CTNND2: variants seen among roughly 807,000 people sequenced by gnomAD.
The protein encoded by CTNND2 is catenin delta 2, also known as catenin delta-2.
Under a neutral mutation model 144.4 loss-of-function variants are expected in CTNND2, and 22 were observed. The ratio of observed to expected loss-of-function variants is 0.15; its 90% CI spans 0.11 to 0.22. CTNND2 has a LOEUF of 0.22. CTNND2 is among the 10% of genes least tolerant of loss of function. The pLI is 1.00. For missense variants in CTNND2, 1,353 were observed against 1,618.8 expected, an observed-to-expected ratio of 0.84 and a Z score of 2.82; for synonymous variants, 751 against 695.6, an observed-to-expected ratio of 1.08 and a Z score of -1.25.
intron 3 of CTNND2, among the ~76,000 whole-genome samples, chr5:11,497,785 TTGTGATGAACTGTACTA>T (rs1211206216): frequency 2.4e-4 from 37 of 152,112 alleles, no homozygotes; most frequent in Admixed American, 2.4e-3. Flanking sequence ...GGAAATGGTT[TTGTGATGAACTGTACTA>T]TCATTTAGCA....
Position 11,903,447 on chromosome 5 carries a change from C to A in CTNND2, c.37+370G>T. On this transcript the variant is annotated intron_variant, in intron 1 of 21. Coordinates refer to ENST00000304623, the MANE Select transcript of CTNND2 (RefSeq NM_001332.4). The surrounding 1 kb of genome is among the most constrained non-coding windows in gnomAD (Gnocchi z 5.4). Reference sequence around the variant, plus strand: ...CCTCCCCACCCCCACCCCGTCTCCTCCCGTATATTAGGGACGTCATGAATG... The same window carrying A: ...CCTCCCCACCCCCACCCCGTCTCCTACCGTATATTAGGGACGTCATGAATG... 3.4e-6 allele frequency: 3 copies of A among 892,290 alleles called. No individual in the cohort carries two copies. Among genetic ancestry groups the A allele is most frequent in the Non-Finnish European group, 4.1e-6 (3 of 730,338 alleles). The allele number at this position is 892,290 out of a possible 1,614,324, so 55.3% of individuals were successfully genotyped here.
At chr5:11,074,612 G>A (rs543286654) in intron 16 of CTNND2, among the ~76,000 whole-genome samples, 34 of 152,178 alleles carry the variant, frequency 2.2e-4, no homozygotes, top group African/African-American at 7.7e-4. Context: ...CCATTATAAA[G>A]CTTTATATGT....
At chr5:11,000,589 G>A (rs1295693727) in intron 18 of CTNND2, among the ~76,000 whole-genome samples, 11 of 152,182 alleles carry the variant, frequency 7.2e-5, no homozygotes, top group African/African-American at 2.4e-4. Flanking sequence ...TTGTATGCAG[G>A]GGATGAGCTA....
chr5:11,688,641 T>C (rs1784762912), intron 2 of CTNND2, among the ~76,000 whole-genome samples: 1 of 152,140 alleles, frequency 6.6e-6, no homozygotes, highest in African/African-American at 2.4e-5. Flanking sequence ...ATTTTCCAAA[T>C]AAGGAAACTG....
At chr5:11,271,226 C>A (rs1246515852) in intron 9 of CTNND2, among the ~76,000 whole-genome samples, 3 of 152,080 alleles carry the variant, frequency 2.0e-5, no homozygotes, top group Non-Finnish European at 4.4e-5. Context: ...CTGTTCATGA[C>A]CAATAAACGT....
intron 1 of CTNND2, among the ~76,000 whole-genome samples, chr5:11,745,282 A>G (rs752151215): frequency 3.3e-5 from 5 of 152,098 alleles, no homozygotes; most frequent in Non-Finnish European, 7.4e-5. Context: ...AGGCATTCTC[A>G]GGAGTCTTCT....
At position 11,335,425 on chromosome 5, in the gene CTNND2, T is replaced by C. The variant is rs541864702; in HGVS notation, c.1628+10947A>G. 4.6e-5 allele frequency among the ~76,000 whole-genome samples: 7 copies of C among 152,270 alleles called. No homozygotes were observed. The East Asian group carries it at 1.4e-3, about 29-fold the overall frequency. ...TCCTCAAATGTTCAAAGTCAGATGG[T>C]GAAGGAAAATGACTTAGGACATCAA... On this transcript the variant is annotated intron_variant, in intron 9 of 21. Coordinates refer to ENST00000304623, the MANE Select transcript of CTNND2 (RefSeq NM_001332.4).
At chr5:11,290,259 T>C (rs1748189275) in intron 9 of CTNND2, among the ~76,000 whole-genome samples, 1 of 152,196 alleles carries the variant, frequency 6.6e-6, no homozygotes, top group Admixed American at 6.5e-5. Flanking sequence ...CATTCTCTCT[T>C]GAACTAGGTT....
chr5:11,847,488 G>A (rs1422962124), intron 1 of CTNND2, among the ~76,000 whole-genome samples: 3 of 152,068 alleles, frequency 2.0e-5, no homozygotes, highest in South Asian at 2.1e-4. Context: ...GAAGGAGGAG[G>A]AGGAGGCAGG....
intron 11 of CTNND2, among the ~76,000 whole-genome samples, chr5:11,171,896 A>C (rs1759961206): frequency 6.6e-6 from 1 of 152,214 alleles, no homozygotes; most frequent in African/African-American, 2.4e-5. Flanking sequence ...AGGGTGATGG[A>C]TAACAATCCT....
At chr5:11,416,820 T>C (rs1266401051) in intron 3 of CTNND2, among the ~76,000 whole-genome samples, 5 of 152,198 alleles carry the variant, frequency 3.3e-5, no homozygotes, top group Non-Finnish European at 7.3e-5. Flanking sequence ...GAAATGCTAT[T>C]TTATGAAATA....
At chr5:11,455,520 T>C (rs887145711) in intron 3 of CTNND2, among the ~76,000 whole-genome samples, 3 of 152,204 alleles carry the variant, frequency 2.0e-5, no homozygotes, top group Admixed American at 6.5e-5. Flanking sequence ...ATTGACTTTA[T>C]TTCCAAGTAT....
At chr5:11,795,454 G>A (rs764480303) in intron 1 of CTNND2, among the ~76,000 whole-genome samples, 1 of 152,182 alleles carries the variant, frequency 6.6e-6, no homozygotes, top group Admixed American at 6.5e-5. Flanking sequence ...CCATCATGAA[G>A]TTCATTTTAG....
At chr5:11,804,416 A>C (rs1791882783) in intron 1 of CTNND2, among the ~76,000 whole-genome samples, 1 of 152,188 alleles carries the variant, frequency 6.6e-6, no homozygotes, top group Non-Finnish European at 1.5e-5. Flanking sequence ...TGTTTATAGT[A>C]GTTTTATTCA....
chr5:11,303,703 G>A (rs1040374562), intron 9 of CTNND2, among the ~76,000 whole-genome samples: 1 of 152,096 alleles, frequency 6.6e-6, no homozygotes, highest in African/African-American at 2.4e-5. Flanking sequence ...GTGGTAATGG[G>A]AAACCAACCC....
chr5:11,134,894 T>C (rs62339083), intron 12 of CTNND2, among the ~76,000 whole-genome samples: 4,634 of 152,270 alleles, frequency 0.03, 115 homozygotes, highest in East Asian at 0.13. Flanking sequence ...CCAAGAATTA[T>C]AAAGCTGCAC....
At chr5:11,900,546 T>C (rs1310665258) in intron 1 of CTNND2, among the ~76,000 whole-genome samples, 2 of 152,228 alleles carry the variant, frequency 1.3e-5, no homozygotes, top group African/African-American at 4.8e-5. Context: ...ATGTTTAATA[T>C]TTTATATTAA....
intron 2 of CTNND2, among the ~76,000 whole-genome samples, chr5:11,673,301 T>C (rs1784005349): frequency 6.6e-6 from 1 of 152,204 alleles, no homozygotes; most frequent in African/African-American, 2.4e-5. Flanking sequence ...TCACTTCCTA[T>C]AGTTCTTTCT....
intron 2 of CTNND2, among the ~76,000 whole-genome samples, chr5:11,578,514 A>G (rs1207526402): frequency 6.6e-6 from 1 of 152,016 alleles, no homozygotes; most frequent in Non-Finnish European, 1.5e-5. Flanking sequence ...TACAAAAATT[A>G]GCCAGGCACG....
Sources: allele counts gnomAD v4.1 joint callset (sites outside exome capture counted in the v4.1 genomes callset), GRCh38; gene constraint gnomAD v4.1.1; non-coding constraint Gnocchi (gnomAD v3.1); transcripts MANE v1.5; gene names NCBI Gene and HGNC (gene_info 2026-07-23, HGNC 2026-07-21).